The following UBAP1 variants were observed in gnomAD, a reference collection of about 807,000 sequenced individuals.
UBAP1 encodes ubiquitin-associated protein 1.
A neutral mutation model predicts 39.0 loss-of-function variants in UBAP1; 5 were observed. The observed-to-expected ratio is 0.13, with a 90% confidence interval of 0.07 to 0.27. The LOEUF (loss-of-function observed/expected upper bound fraction) is 0.27, where lower values mean the gene tolerates loss of function less well. Among genes scored for constraint, UBAP1 ranks in the 10% least tolerant of loss-of-function variants. UBAP1 has a pLI of 1.00. For missense variants in UBAP1, 490 were observed against 608.1 expected, an observed-to-expected ratio of 0.81 and a Z score of 2.04; for synonymous variants, 211 against 225.1, an observed-to-expected ratio of 0.94 and a Z score of 0.56.
At chr9:34,201,972 A>C (rs1418995227) in intron 1 of UBAP1, among the ~76,000 whole-genome samples, 6 of 152,200 alleles carry the variant, frequency 3.9e-5, no homozygotes, top group African/African-American at 1.4e-4. Context: ...TGCAAAGTAT[A>C]CAGATGAAGA....
At chr9:34,182,671 C>CTTTCTCTTCTCT (rs1554645026) in intron 1 of UBAP1, among the ~76,000 whole-genome samples, 61 of 87,946 alleles carry the variant, frequency 6.9e-4, no homozygotes, top group African/African-American at 2.5e-3. Context: ...TTCTTTCTTT[C>CTTTCTCTTCTCT]TTTCTTTCTT....
chr9:34,242,558 C>G (rs1216389944), intron 4 of UBAP1, among the ~76,000 whole-genome samples: 2 of 152,074 alleles, frequency 1.3e-5, no homozygotes, highest in Non-Finnish European at 2.9e-5. Flanking sequence ...GAGACAGAGT[C>G]TTGCTCTGTC....
chr9:34,250,617 A>C (rs757013730), intron 5 of UBAP1, 41 bp from the exon 6 acceptor site: 5 of 1,535,430 alleles, frequency 3.3e-6, no homozygotes, highest in Non-Finnish European at 4.5e-6. Flanking sequence ...AGCACAGCAA[A>C]GAGCAGCAGT....
intron 1 of UBAP1, among the ~76,000 whole-genome samples, chr9:34,218,368 T>G (rs953270415): frequency 6.6e-6 from 1 of 150,472 alleles, no homozygotes; most frequent in Non-Finnish European, 1.5e-5. Context: ...CTAGGTGTTG[T>G]TTGGAAAATT....
chr9:34,182,429 C>T (rs1830095348), intron 1 of UBAP1, among the ~76,000 whole-genome samples: 1 of 151,804 alleles, frequency 6.6e-6, no homozygotes, highest in African/African-American at 2.4e-5. Flanking sequence ...AAATGACCTA[C>T]CCGCCTCGGC....
At chr9:34,224,149 T>C (rs1374513945) in intron 2 of UBAP1, 2 of 692,164 alleles carry the variant, frequency 2.9e-6, no homozygotes, top group Non-Finnish European at 4.6e-6. Flanking sequence ...TTTTGGCCTT[T>C]TTTTTTCCTT....
At chr9:34,212,472 A>AT (rs1315072827) in intron 1 of UBAP1, among the ~76,000 whole-genome samples, 2 of 151,674 alleles carry the variant, frequency 1.3e-5, no homozygotes, top group Non-Finnish European at 2.9e-5. Context: ...AAATAAAATA[A>AT]TTTTTTTAGT....
chr9:34,224,100 G>A (rs529957329), intron 2 of UBAP1: 3 of 745,032 alleles, frequency 4.0e-6, no homozygotes, highest in Non-Finnish European at 4.2e-6. Flanking sequence ...CACGCAAGAA[G>A]CTTGCCCTGC....
At chr9:34,243,589 G>A (rs967754764) in intron 4 of UBAP1, among the ~76,000 whole-genome samples, 1 of 151,918 alleles carries the variant, frequency 6.6e-6, no homozygotes, top group Non-Finnish European at 1.5e-5. Context: ...AGGGTCGGGC[G>A]ATTGTCCTGC....
intron 4 of UBAP1, among the ~76,000 whole-genome samples, chr9:34,243,534 G>A (rs1455436548): frequency 6.6e-6 from 1 of 151,358 alleles, no homozygotes; most frequent in East Asian, 1.9e-4. Context: ...CACCCAGGCT[G>A]GAATGTAGTG....
intron 1 of UBAP1, among the ~76,000 whole-genome samples, chr9:34,184,507 T>A (rs1830271682): frequency 1.3e-5 from 2 of 150,752 alleles, no homozygotes; most frequent in South Asian, 4.2e-4. Context: ...GGCGGGCACC[T>A]GTAGTCCCAG....
At chr9:34,229,830 C>T (rs987417660) in intron 2 of UBAP1, among the ~76,000 whole-genome samples, 1 of 152,080 alleles carries the variant, frequency 6.6e-6, no homozygotes, top group Non-Finnish European at 1.5e-5. Flanking sequence ...AGTCACCATG[C>T]TTGGCCCCTA....
At chr9:34,193,432 G>C (rs1017102563) in intron 1 of UBAP1, among the ~76,000 whole-genome samples, 1 of 152,114 alleles carries the variant, frequency 6.6e-6, no homozygotes, top group African/African-American at 2.4e-5. Flanking sequence ...AAGTGTGGGG[G>C]TTTTTCACCT....
chr9:34,196,873 T>C (rs1261404208), intron 1 of UBAP1, among the ~76,000 whole-genome samples: 1 of 151,578 alleles, frequency 6.6e-6, no homozygotes, highest in Non-Finnish European at 1.5e-5. Context: ...ATTTTGTTCA[T>C]GTATTGTCTT....
At chr9:34,188,911 C>T (rs542936728) in intron 1 of UBAP1, among the ~76,000 whole-genome samples, 5 of 152,158 alleles carry the variant, frequency 3.3e-5, no homozygotes, top group African/African-American at 4.8e-5. Flanking sequence ...GAGCCGAGAT[C>T]GTACCATTGC....
At chr9:34,192,133 G>A (rs979114636) in intron 1 of UBAP1, among the ~76,000 whole-genome samples, 2 of 150,910 alleles carry the variant, frequency 1.3e-5, no homozygotes, top group South Asian at 2.1e-4. Flanking sequence ...CATGAGCCAC[G>A]GTCCCCGGCC....
At chr9:34,181,217 A>G (rs1205053462) in intron 1 of UBAP1, among the ~76,000 whole-genome samples, 2 of 135,136 alleles carry the variant, frequency 1.5e-5, no homozygotes, top group South Asian at 2.4e-4. Flanking sequence ...CGGGCTTGCC[A>G]TTCTCCTGCC....
intron 1 of UBAP1, among the ~76,000 whole-genome samples, chr9:34,219,825 T>C (rs1349239402): frequency 5.4e-5 from 1 of 18,638 alleles, no homozygotes; most frequent in African/African-American, 2.3e-4. Context: ...CCCCCTTCCC[T>C]CTCCCTTCCC....
chr9:34,243,825 T>C (rs1189803590), intron 4 of UBAP1, among the ~76,000 whole-genome samples: 3 of 151,764 alleles, frequency 2.0e-5, no homozygotes, highest in African/African-American at 7.3e-5. Context: ...TGTTGTCTTA[T>C]CAAATGGTAG....
Sources: gnomAD v4.1 joint callset for allele counts (sites outside exome capture counted in the v4.1 genomes callset) on GRCh38, gnomAD v4.1.1 for gene constraint, MANE v1.5 for transcripts, NCBI Gene and HGNC (gene_info 2026-07-23, HGNC 2026-07-21) for gene names.